Variants in NTN1 observed in about 807,000 individuals in gnomAD.
NTN1 encodes netrin 1.
In NTN1, 11 loss-of-function variants were observed where a neutral mutation model predicts 54.2. That is an observed-to-expected ratio of 0.20 (90% CI 0.13 to 0.34). The LOEUF is 0.34. NTN1 is among the 10% of genes least tolerant of loss of function. The pLI is 1.00. For missense variants in NTN1, 740 were observed against 893.1 expected (o/e 0.83, Z 2.18); for synonymous variants, 371 against 382.0 (o/e 0.97, Z 0.33).
rs1391538067 is a variant in NTN1, at chr17:9,221,560, GGTC to G, written c.1486+319_1486+321del. 2.0e-5 allele frequency among the ~76,000 whole-genome samples: 3 copies of G among 152,210 alleles called. No individual in the cohort carries two copies. Among genetic ancestry groups the G allele is most frequent in the Non-Finnish European group, 4.4e-5 (3 of 68,034 alleles). On this transcript the variant is annotated intron_variant, in intron 6 of 6. Transcript: ENST00000173229. This position sits in a 1 kb window ranked among gnomAD's most constrained non-coding sequence, Gnocchi z 4.5. ...CACAGACCAGTGGCTTTACCTCTGT[GGTC>G]TTCTGTGTCTGCATCATACTGCGGG...
At chr17:9,215,250 TACACACACACACACACACACAC>T (rs58245153) in intron 5 of NTN1, among the ~76,000 whole-genome samples, 4 of 138,210 alleles carry the variant, frequency 2.9e-5, no homozygotes, top group Admixed American at 7.2e-5. Context: ...GCTAGATAGA[TACACACACACACACACACACAC>T]ACACACACAC....
intron 4 of NTN1, among the ~76,000 whole-genome samples, chr17:9,181,801 C>A (rs2092419606): frequency 6.6e-6 from 1 of 152,122 alleles, no homozygotes; most frequent in Non-Finnish European, 1.5e-5. Context: ...AAGTGAGTCC[C>A]TTCCTCTTAG....
chr17:9,026,392 G>GGT (rs386385607), intron 2 of NTN1, among the ~76,000 whole-genome samples: 7 of 40,518 alleles, frequency 1.7e-4, no homozygotes, highest in East Asian at 8.1e-4. Flanking sequence ...GATTTCTTCC[G>GGT]GGGGGGGGGA....
chr17:9,218,070 G>A (rs1342011503), intron 5 of NTN1, among the ~76,000 whole-genome samples: 1 of 152,162 alleles, frequency 6.6e-6, no homozygotes. Flanking sequence ...GGTTCAGACT[G>A]TGGTTCTAAC....
chr17:9,097,092 C>T (rs1009094192), intron 2 of NTN1, among the ~76,000 whole-genome samples: 6 of 152,144 alleles, frequency 3.9e-5, no homozygotes, highest in East Asian at 1.9e-4. Flanking sequence ...TGTCTATTGT[C>T]GGTAATTTCT....
intron 2 of NTN1, among the ~76,000 whole-genome samples, chr17:9,031,808 A>C (rs115171499): frequency 0.026 from 4,003 of 152,068 alleles, 173 homozygotes; most frequent in African/African-American, 0.092. Flanking sequence ...AACAAACAAA[A>C]AAAACTAGCC....
At chr17:9,119,865 T>C (rs2142260449) in intron 2 of NTN1, among the ~76,000 whole-genome samples, 1 of 152,286 alleles carries the variant, frequency 6.6e-6, no homozygotes, top group East Asian at 1.9e-4. Flanking sequence ...TGGTTTGCAT[T>C]TCCCTGATGG....
In NTN1 at chr17:9,211,639, A is replaced by G. The variant is rs1225781020; in HGVS notation, c.1412-9529A>G. On this transcript the variant is annotated intron_variant, in intron 5 of 6. Coordinates refer to ENST00000173229, the MANE Select transcript of NTN1 (RefSeq NM_004822.3). This position sits in a 1 kb window ranked among gnomAD's most constrained non-coding sequence, Gnocchi z 4.4. ...TATGTTCTCAGGGTTTTGACACTCAATGCCAGCCACGCTCGGGAAAGTTCA... is the reference window on the plus strand; with the variant it reads ...TATGTTCTCAGGGTTTTGACACTCAGTGCCAGCCACGCTCGGGAAAGTTCA... 6.6e-6 allele frequency among the ~76,000 whole-genome samples: 1 copy of G among 152,172 alleles called. No homozygotes were observed. Among genetic ancestry groups the G allele is most frequent in the African/African-American group, 2.4e-5 (1 of 41,430 alleles).
At chr17:9,040,027 A>G (rs922496033) in intron 2 of NTN1, among the ~76,000 whole-genome samples, 1 of 152,218 alleles carries the variant, frequency 6.6e-6, no homozygotes, top group African/African-American at 2.4e-5. Context: ...GCTGGATGAT[A>G]CAGTAGGTGT....
At chr17:9,226,186 C>T (rs1905540881) in intron 6 of NTN1, among the ~76,000 whole-genome samples, 2 of 149,060 alleles carry the variant, frequency 1.3e-5, no homozygotes, top group South Asian at 4.3e-4. Flanking sequence ...AGTGCCAAGG[C>T]CCTGCCATGC....
chr17:9,067,108 A>G (rs1446105829), intron 2 of NTN1, among the ~76,000 whole-genome samples: 2 of 151,958 alleles, frequency 1.3e-5, no homozygotes, highest in Admixed American at 1.3e-4. Context: ...CTCTGTAAAA[A>G]ATACAAAAAT....
At chr17:9,042,584 C>G (rs915731921) in intron 2 of NTN1, among the ~76,000 whole-genome samples, 5 of 151,522 alleles carry the variant, frequency 3.3e-5, no homozygotes, top group African/African-American at 1.2e-4. Flanking sequence ...GTCAGGAATT[C>G]AAGACCAGCC....
chr17:9,023,224 G>A lies in NTN1; in HGVS notation c.851G>A (p.Arg284Gln). Residue 284 changes from arginine to glutamine, a missense_variant, in exon 2 of 7, where the codon CGG becomes CAG. By Grantham distance (43) the Arg-to-Gln change is conservative. Coordinates refer to ENST00000173229, the MANE Select transcript of NTN1 (RefSeq NM_004822.3). ...GTGTCCGACCTGCAGGTGGGCGGCC[G>A]GTGCAAGTGCAACGGCCACGCGGCC... is the stretch of plus-strand genomic sequence containing the variant. Reference protein sequence around the residue: ...YAVSDLQVGGRCKCNGHAARC... With the variant: ...YAVSDLQVGGQCKCNGHAARC... 1.3e-6 allele frequency: 2 copies of A among 1,562,000 alleles called. No homozygotes were observed. The highest frequency in any genetic ancestry group is 1.7e-6 in the Non-Finnish European group (2 of 1,151,752).
chr17:9,152,755 C>T (rs1287749007), intron 2 of NTN1, among the ~76,000 whole-genome samples: 1 of 152,178 alleles, frequency 6.6e-6, no homozygotes, highest in Non-Finnish European at 1.5e-5. Flanking sequence ...ACTTTTAGGG[C>T]CAGAAAATAA....
intron 5 of NTN1, among the ~76,000 whole-genome samples, chr17:9,196,443 G>A (rs1372904687): frequency 6.6e-6 from 1 of 152,204 alleles, no homozygotes; most frequent in Non-Finnish European, 1.5e-5. Flanking sequence ...TCGTGATTAT[G>A]CTCAGACTGT....
Position 9,207,582 on chromosome 17 carries a change from T to C in NTN1, c.1412-13586T>C, listed in dbSNP as rs545552188. Among the ~76,000 whole-genome samples the C allele has an allele frequency of 3.9e-5, 6 of 152,282 alleles. No homozygotes were observed. The South Asian group carries it at 1.2e-3, about 32-fold the overall frequency. On this transcript the variant is annotated intron_variant, in intron 5 of 6. Coordinates refer to ENST00000173229, the MANE Select transcript of NTN1 (RefSeq NM_004822.3). ...CTTTGTAAGTCACAGAGCCAGCATT[T>C]TGAGTTCCTTGGTCGCCTGTCTGCC...
At chr17:9,142,294 GAA>G (rs76675961) in intron 2 of NTN1, among the ~76,000 whole-genome samples, 2 of 123,142 alleles carry the variant, frequency 1.6e-5, no homozygotes, top group Admixed American at 8.3e-5. Context: ...ATCTCAAAAA[GAA>G]AAAAAAAAAA....
Position 9,182,703 on chromosome 17 carries a change from A to G in NTN1, c.1358-213A>G, listed in dbSNP as rs556404817. ...TGCCTTCTCTCCACACCCCCCTGCC[A>G]GGTGAAAGGAGAAAAACGCCACGTG... On this transcript the variant is annotated intron_variant, in intron 4 of 6. Coordinates refer to ENST00000173229, the MANE Select transcript of NTN1 (RefSeq NM_004822.3). Among the ~76,000 whole-genome samples, 29 of 152,278 alleles carry G rather than the reference A, an allele frequency of 1.9e-4. No homozygotes were observed. The East Asian group carries it at 4.6e-3, about 24-fold the overall frequency.
intron 2 of NTN1, among the ~76,000 whole-genome samples, chr17:9,034,397 A>G (rs868482168): frequency 6.6e-6 from 1 of 150,652 alleles, no homozygotes; most frequent in Non-Finnish European, 1.5e-5. Flanking sequence ...TAGCGGCCCT[A>G]TCAGGGCTTG....
Sources: gnomAD v4.1 joint callset for allele counts (sites outside exome capture counted in the v4.1 genomes callset) on GRCh38, gnomAD v4.1.1 for gene constraint, Gnocchi (gnomAD v3.1) non-coding constraint, MANE v1.5 for transcripts, NCBI Gene and HGNC (gene_info 2026-07-23, HGNC 2026-07-21) for gene names.